Variants in TBXAS1 observed in about 807,000 individuals in gnomAD.
The protein encoded by TBXAS1 is thromboxane A synthase 1.
In TBXAS1, 48 loss-of-function variants were observed where a neutral mutation model predicts 60.7. The observed-to-expected ratio is 0.79, with a 90% CI of 0.63 to 1.01. The LOEUF (loss-of-function observed/expected upper bound fraction) is 1.01, where lower values mean the gene tolerates loss of function less well. Ranked by LOEUF, TBXAS1 falls within the 50% of genes least tolerant of loss-of-function variation. The pLI is 0.00. For synonymous variants in TBXAS1, 287 were observed against 269.7 expected (o/e 1.06, Z -0.63); for missense variants, 685 against 686.3 (o/e 1.00, Z 0.02).
intron 4 of TBXAS1, among the ~76,000 whole-genome samples, chr7:139,931,524 T>TC (rs1278228138): frequency 6.6e-6 from 1 of 152,146 alleles, no homozygotes; most frequent in East Asian, 1.9e-4. Flanking sequence ...GACTCACAGT[T>TC]CCACGTGGCT....
At chr7:139,960,282 A>G (rs1266612851) in intron 8 of TBXAS1, among the ~76,000 whole-genome samples, 2 of 152,154 alleles carry the variant, frequency 1.3e-5, no homozygotes, top group African/African-American at 2.4e-5. Context: ...AAGAGCATTC[A>G]CTTGTCATCA....
At chr7:139,948,099 A>C (rs1808884719) in intron 5 of TBXAS1, among the ~76,000 whole-genome samples, 3 of 152,144 alleles carry the variant, frequency 2.0e-5, no homozygotes, top group Non-Finnish European at 1.5e-5. Context: ...TCCTGACATC[A>C]AGTGATCCAC....
At chr7:139,868,653 T>TA (rs1801604767) in intron 1 of TBXAS1, among the ~76,000 whole-genome samples, 1 of 82,840 alleles carries the variant, frequency 1.2e-5, no homozygotes, top group Non-Finnish European at 2.9e-5. Flanking sequence ...CTGGCTAATA[T>TA]TTTTTTTTTT....
chr7:139,911,272 T>A lies in TBXAS1; in HGVS notation c.284T>A (p.Met95Lys). Reference protein sequence around the residue: ...RMFIVISEPDMIKQVLVENFS... With the variant: ...RMFIVISEPDKIKQVLVENFS... ...TTTATTGTTATTTCTGAGCCAGACA[T>A]GATCAAGCAGGTGTTGGTTGAGAAC... The change falls in exon 4 of 13, where the codon ATG becomes AAG. Residue 95 changes from methionine (M) to lysine (K), a missense_variant. Met to Lys is a moderately conservative substitution (Grantham distance 95). Transcript: ENST00000448866. 1 of 1,614,210 alleles carries A rather than the reference T, an allele frequency of 6.2e-7. No homozygotes were observed. Among genetic ancestry groups the A allele is most frequent in the South Asian group, 1.1e-5 (1 of 91,084 alleles).
At chr7:139,794,593 C>T (rs1585515369) in intron 4 of TBXAS1, among the ~76,000 whole-genome samples, 1 of 151,396 alleles carries the variant, frequency 6.6e-6, no homozygotes, top group African/African-American at 2.4e-5. Context: ...ATACATGTGC[C>T]ATGCTGATGC....
rs76416389 is a variant in TBXAS1, at chr7:139,930,687, G to T, written c.334-5504G>T. ...GGCTTTGTGTTCAGAAAGGGGTGGGGAACTGGCCAGCACATACCAGGCCTC... is the reference window on the plus strand; with the variant it reads ...GGCTTTGTGTTCAGAAAGGGGTGGGTAACTGGCCAGCACATACCAGGCCTC... On this transcript the variant is annotated intron_variant, in intron 4 of 12. Coordinates refer to ENST00000448866, the MANE Select transcript of TBXAS1 (RefSeq NM_001061.7). Among the ~76,000 whole-genome samples, 746 of 152,110 alleles carry T rather than the reference G, an allele frequency of 4.9e-3. 3 individuals are homozygous for T. Among genetic ancestry groups the T allele is most frequent in the African/African-American group, 0.017 (694 of 41,496 alleles).
At chr7:140,019,077 G>C (rs1374258259) in intron 12 of TBXAS1, among the ~76,000 whole-genome samples, 2 of 152,240 alleles carry the variant, frequency 1.3e-5, no homozygotes, top group African/African-American at 2.4e-5. Flanking sequence ...GGCAGGCATA[G>C]GAAGGCATAA....
intron 3 of TBXAS1, among the ~76,000 whole-genome samples, chr7:139,910,042 T>TTGGGAAGCACCACCTC (rs1165146739): frequency 6.6e-6 from 1 of 152,170 alleles, no homozygotes; most frequent in Non-Finnish European, 1.5e-5. Flanking sequence ...AGAACTCAGC[T>TTGGGAAGCACCACCTC]TGGGAAGCAC....
chr7:140,000,771 G>A (rs1280581385), intron 9 of TBXAS1, among the ~76,000 whole-genome samples: 1 of 152,184 alleles, frequency 6.6e-6, no homozygotes, highest in Non-Finnish European at 1.5e-5. Flanking sequence ...AAATGAATTT[G>A]ATAGGATTTT....
intron 4 of TBXAS1, among the ~76,000 whole-genome samples, chr7:139,915,896 T>A (rs916351189): frequency 2.0e-5 from 3 of 152,234 alleles, no homozygotes; most frequent in Non-Finnish European, 4.4e-5. Flanking sequence ...GTCTGTGCAA[T>A]GTCTCTGCTT....
At chr7:139,989,078 G>A (rs751890024) in intron 9 of TBXAS1, among the ~76,000 whole-genome samples, 11 of 152,170 alleles carry the variant, frequency 7.2e-5, no homozygotes, top group Non-Finnish European at 2.9e-5. Context: ...AGATCCTCCC[G>A]GTGTTCTTCC....
At chr7:139,954,407 A>G (rs1034229685) in intron 6 of TBXAS1, among the ~76,000 whole-genome samples, 1 of 152,226 alleles carries the variant, frequency 6.6e-6, no homozygotes, top group African/African-American at 2.4e-5. Context: ...TCAGGATCAG[A>G]TGAAATCACA....
chr7:139,989,736 C>T (rs556841724), intron 9 of TBXAS1, among the ~76,000 whole-genome samples: 10 of 152,330 alleles, frequency 6.6e-5, no homozygotes, highest in African/African-American at 1.2e-4. Flanking sequence ...TGGCCCCATG[C>T]GGGCCCATCT....
At chr7:139,936,058 C>G (rs1053666253) in intron 4 of TBXAS1, 133 bp from the exon 5 acceptor site, 2 of 832,640 alleles carry the variant, frequency 2.4e-6, no homozygotes, top group Admixed American at 1.7e-5. Context: ...TCCTCTCTCT[C>G]CTTGCAAGAG....
intron 9 of TBXAS1, among the ~76,000 whole-genome samples, chr7:139,966,377 A>G (rs1366373279): frequency 6.6e-6 from 1 of 152,212 alleles, no homozygotes; most frequent in Non-Finnish European, 1.5e-5. Context: ...AGATTGTCTC[A>G]GGGAGTTTAC....
chr7:139,842,157 A>G (rs1054038102), intron 1 of TBXAS1, among the ~76,000 whole-genome samples: 1 of 152,182 alleles, frequency 6.6e-6, no homozygotes, highest in African/African-American at 2.4e-5. Flanking sequence ...TGTTTTTTAA[A>G]GAAAACAATA....
intron 4 of TBXAS1, among the ~76,000 whole-genome samples, chr7:139,926,934 G>A (rs1021054047): frequency 1.3e-5 from 2 of 151,840 alleles, no homozygotes; most frequent in Non-Finnish European, 2.9e-5. Context: ...ATTGGAAATT[G>A]TATAGTTTCC....
intron 3 of TBXAS1, among the ~76,000 whole-genome samples, chr7:139,892,529 G>T (rs1248810627): frequency 6.6e-6 from 1 of 152,098 alleles, no homozygotes; most frequent in Non-Finnish European, 1.5e-5. Context: ...GGAGGCGGAG[G>T]TTGCAGTGAG....
chr7:139,838,923 T>C (rs1264701840), intron 1 of TBXAS1, among the ~76,000 whole-genome samples: 1 of 152,216 alleles, frequency 6.6e-6, no homozygotes, highest in Non-Finnish European at 1.5e-5. Flanking sequence ...TAACACATTT[T>C]AAAAACTAAT....
Sources: gnomAD v4.1 joint callset for allele counts (sites outside exome capture counted in the v4.1 genomes callset) on GRCh38, gnomAD v4.1.1 for gene constraint, MANE v1.5 for transcripts, NCBI Gene and HGNC (gene_info 2026-07-23, HGNC 2026-07-21) for gene names.